Variants in FAT3 observed in about 807,000 individuals in gnomAD.
The protein encoded by FAT3 is FAT atypical cadherin 3, also known as protocadherin Fat 3.
A neutral mutation model predicts 310.2 loss-of-function variants in FAT3; 95 were observed. The observed-to-expected ratio is 0.31, with a 90% CI of 0.26 to 0.36. FAT3 has a LOEUF of 0.36. FAT3 is among the 10% of genes least tolerant of loss of function. The pLI is 1.00. For synonymous variants in FAT3, 2,314 were observed against 2,192.9 expected (o/e 1.06, Z -1.54); for missense variants, 5,408 against 5,715.6 (o/e 0.95, Z 1.74).
chr11:92,729,677 G>A (rs57332302), intron 4 of FAT3, among the ~76,000 whole-genome samples: 4 of 151,524 alleles, frequency 2.6e-5, no homozygotes, highest in African/African-American at 7.3e-5. Flanking sequence ...CACCCACCTC[G>A]GCCTCCCAAA....
At chr11:92,277,536 T>G (rs565683187) in intron 1 of FAT3, among the ~76,000 whole-genome samples, 206 of 152,222 alleles carry the variant, frequency 1.4e-3, no homozygotes, top group African/African-American at 4.4e-3. Context: ...TAAAAAAGAA[T>G]GAAATCATGT....
At chr11:92,805,431 C>A in intron 11 of FAT3, 82 bp downstream of exon 11, 2 of 1,433,250 alleles carry the variant, frequency 1.4e-6, no homozygotes, top group Non-Finnish European at 1.9e-6. Flanking sequence ...CTTCTTAAGG[C>A]CAGGCAAACT....
At chr11:92,597,111 A>T (rs114474374) in intron 3 of FAT3, among the ~76,000 whole-genome samples, 1 of 152,194 alleles carries the variant, frequency 6.6e-6, no homozygotes, top group African/African-American at 2.4e-5. Flanking sequence ...TGATGTCACA[A>T]ATAACTGAGT....
intron 4 of FAT3, among the ~76,000 whole-genome samples, chr11:92,709,825 G>A (rs1792360): frequency 0.31 from 47,449 of 152,090 alleles, 7,682 homozygotes; most frequent in Non-Finnish European, 0.33. Flanking sequence ...TCTGTACTGA[G>A]GTGGCTTGCC....
At chr11:92,329,939 C>T (rs548225721) in intron 1 of FAT3, among the ~76,000 whole-genome samples, 251 of 151,658 alleles carry the variant, frequency 1.7e-3, no homozygotes, top group Non-Finnish European at 2.5e-3. Context: ...GCTTAGTACA[C>T]TTCAGCTTTA....
intron 3 of FAT3, among the ~76,000 whole-genome samples, chr11:92,598,218 A>ATATG (rs1430215936): frequency 8.1e-6 from 1 of 123,590 alleles, no homozygotes; most frequent in Non-Finnish European, 1.6e-5. Context: ...ATGTATACAT[A>ATATG]TATATATATA....
Position 92,348,229 on chromosome 11 carries a change from G to GT in FAT3, c.-17-3861dup, listed in dbSNP as rs750016948. Among the ~76,000 whole-genome samples, 9 of 151,992 alleles carry GT rather than the reference G, an allele frequency of 5.9e-5. No homozygotes were observed. The East Asian group carries it at 1.4e-3, about 23-fold the overall frequency. ...AATTTGACAAACTTAGTCCTGCTCA[G>GT]TTTTTTGGTGGTAGGTCTGAATTTC... On this transcript the variant is annotated intron_variant, in intron 1 of 27. Coordinates refer to ENST00000525166, the MANE Select transcript of FAT3 (RefSeq NM_001367949.2).
rs776377506 is a variant in FAT3, at chr11:92,801,287, A to G, written c.8274A>G (p.Ile2758Met). Reference sequence around the variant, plus strand: ...ATAACAAAGGGGGCATATTCGTCATAGAACAGGAAACAGGCACTATTAAGC... The same window carrying G: ...ATAACAAAGGGGGCATATTCGTCATGGAACAGGAAACAGGCACTATTAAGC... The part of the protein sequence containing the change: ...PENNKGGIFV[I>M]EQETGTIKLD... Residue 2758 changes from isoleucine (I) to methionine (M), a missense_variant, in exon 10 of 28, where the codon ATA (isoleucine) becomes ATG (methionine). This residue lies in a region of FAT3 where 4,588 missense variants were observed against 4,809.8 expected (regional missense o/e 0.95). Coordinates refer to ENST00000525166, the MANE Select transcript of FAT3 (RefSeq NM_001367949.2). 4.3e-6 allele frequency: 7 copies of G among 1,613,868 alleles called. No homozygotes were observed. The East Asian group carries it at 1.3e-4, about 31-fold the overall frequency.
intron 3 of FAT3, among the ~76,000 whole-genome samples, chr11:92,682,843 C>T (rs549373327): frequency 6.6e-6 from 1 of 151,952 alleles, no homozygotes; most frequent in Non-Finnish European, 1.5e-5. Flanking sequence ...TTTGGGAAGC[C>T]GAGGTGGGCA....
At chr11:92,435,284 T>TAA (rs1417311185) in intron 2 of FAT3, among the ~76,000 whole-genome samples, 20 of 152,310 alleles carry the variant, frequency 1.3e-4, no homozygotes, top group Non-Finnish European at 2.6e-4. Context: ...CAGGGTATGC[T>TAA]TAAGCTATTG....
chr11:92,757,152 G>A (rs956437980), intron 4 of FAT3, among the ~76,000 whole-genome samples: 6 of 152,034 alleles, frequency 3.9e-5, no homozygotes, highest in Non-Finnish European at 7.4e-5. Context: ...TCGAACTCCC[G>A]ACCTCAGGTG....
At chr11:92,591,847 T>G (rs1939442135) in intron 3 of FAT3, among the ~76,000 whole-genome samples, 1 of 152,202 alleles carries the variant, frequency 6.6e-6, no homozygotes, top group Non-Finnish European at 1.5e-5. Context: ...GGATCTGTCT[T>G]GTTTCAACAG....
chr11:92,765,635 T>C (rs1443463491), intron 6 of FAT3, among the ~76,000 whole-genome samples: 1 of 152,192 alleles, frequency 6.6e-6, no homozygotes, highest in Non-Finnish European at 1.5e-5. Flanking sequence ...TTTTACGGTT[T>C]TTTTTTAAAG....
chr11:92,583,774 A>G (rs527508613), intron 3 of FAT3, among the ~76,000 whole-genome samples: 61 of 152,120 alleles, frequency 4.0e-4, no homozygotes, highest in Middle Eastern at 3.4e-3. Context: ...TTCCTCCCAG[A>G]CAACAGATGC....
chr11:92,336,181 CA>C, intron 1 of FAT3: 1 of 564,660 alleles, frequency 1.8e-6, no homozygotes, highest in Non-Finnish European at 3.5e-6. Context: ...AGATAGGCCA[CA>C]AAGGTGCTGC....
intron 13 of FAT3, among the ~76,000 whole-genome samples, chr11:92,812,041 G>A (rs905185980): frequency 5.3e-5 from 8 of 152,142 alleles, no homozygotes; most frequent in African/African-American, 1.9e-4. Flanking sequence ...TTGCAGCAGC[G>A]TCAGTCTGAG....
Position 92,354,327 on chromosome 11 carries a change from C to T in FAT3, c.2215C>T (p.Leu739=), listed in dbSNP as rs2134642253. ...FPSDVAVKED[L]PVGANILKIK... ...TTCTGATGTGGCTGTAAAGGAGGAT[C>T]TGCCAGTTGGTGCTAACATTCTGAA... The change falls in exon 2 of 28, where the codon CTG becomes TTG. Residue 739 remains leucine (L), a synonymous_variant. Coordinates refer to ENST00000525166, the MANE Select transcript of FAT3 (RefSeq NM_001367949.2). 6.2e-7 allele frequency: 1 copy of T among 1,613,800 alleles called. No homozygotes were observed. The highest frequency in any genetic ancestry group is 8.5e-7 in the Non-Finnish European group (1 of 1,179,852).
rs981299481 is a variant in FAT3 at position 92,330,383 on chromosome 11, G to A, written c.-17-21713G>A. 7.2e-5 allele frequency among the ~76,000 whole-genome samples: 11 copies of A among 152,286 alleles called. No homozygotes were observed. The East Asian group carries it at 2.1e-3, about 29-fold the overall frequency. ...TGGAGAATCTAGCAGAGCTATCTGTGTGCCCTCTGCCTTTTAACTCTGAGC... is the reference window on the plus strand; with the variant it reads ...TGGAGAATCTAGCAGAGCTATCTGTATGCCCTCTGCCTTTTAACTCTGAGC... On this transcript the variant is annotated intron_variant, in intron 1 of 27. Transcript: ENST00000525166.
chr11:92,656,532 G>A (rs1162664343), intron 3 of FAT3, among the ~76,000 whole-genome samples: 1 of 152,182 alleles, frequency 6.6e-6, no homozygotes, highest in Non-Finnish European at 1.5e-5. Flanking sequence ...CAAACCACCA[G>A]ACACCAACAT....
Sources: allele counts gnomAD v4.1 joint callset (sites outside exome capture counted in the v4.1 genomes callset), GRCh38; gene constraint gnomAD v4.1.1; regional missense constraint gnomAD v4.1.1; transcripts MANE v1.5; gene names NCBI Gene and HGNC (gene_info 2026-07-23, HGNC 2026-07-21).